The following MYDGF variants were observed in gnomAD, a reference collection of about 807,000 sequenced individuals.
The protein encoded by MYDGF is myeloid-derived growth factor.
MYDGF carries 29 observed loss-of-function variants against 24.2 expected under a neutral mutation model. The observed-to-expected ratio is 1.20, with a 90% confidence interval of 0.89 to 1.63. MYDGF has a LOEUF of 1.63. Among genes scored for constraint, MYDGF ranks in the 40% most tolerant of loss-of-function variants. MYDGF has a pLI of 0.00. For synonymous variants in MYDGF, 105 were observed against 102.5 expected (o/e 1.02, Z -0.15); for missense variants, 245 against 234.8 (o/e 1.04, Z -0.29).
intron 1 of MYDGF, 188 bp from the exon 2 acceptor site, chr19:4,668,833 C>T (rs1173846251): frequency 3.8e-6 from 2 of 520,596 alleles, no homozygotes; most frequent in Non-Finnish European, 6.9e-6. Context: ...AGGTACGCAA[C>T]CACCACACCC....
At chr19:4,660,555 T>C in intron 4 of MYDGF, 114 bp downstream of exon 4, 1 of 995,500 alleles carries the variant, frequency 1.0e-6, no homozygotes, top group Non-Finnish European at 1.5e-6. Context: ...TCTGCAGGAT[T>C]CGCTGTCCCC....
intron 3 of MYDGF, among the ~76,000 whole-genome samples, chr19:4,662,425 C>T (rs1396763977): frequency 6.6e-6 from 1 of 152,228 alleles, no homozygotes; most frequent in East Asian, 1.9e-4. Context: ...ACCCCCTCCC[C>T]ACCGGGGGGC....
At chr19:4,668,692 TTTTG>T in intron 1 of MYDGF, 47 bp from the exon 2 acceptor site, 1 of 1,554,658 alleles carries the variant, frequency 6.4e-7, no homozygotes. Flanking sequence ...GAAATTTTTA[TTTTG>T]TTTAAGAGAC....
intron 3 of MYDGF, among the ~76,000 whole-genome samples, chr19:4,661,987 C>A (rs962380956): frequency 6.6e-6 from 1 of 152,126 alleles, no homozygotes; most frequent in African/African-American, 2.4e-5. Context: ...CGACCGTGGG[C>A]TTCCCCAAGA....
chr19:4,664,874 AC>A lies in MYDGF; in HGVS notation c.287+1del, dbSNP rs1206323222. The A allele has an allele frequency of 1.2e-6, 2 of 1,611,872 alleles. No homozygotes were observed. Among genetic ancestry groups the A allele is most frequent in the Non-Finnish European group, 1.7e-6 (2 of 1,179,290 alleles). The stretch of plus-strand genomic sequence containing the variant: ...AAATGCCATCCCCACCCCGAGTCTC[AC>A]CTCCAGATGGTGCAGGTGAAGTGCT... On this transcript the variant is annotated splice_donor_variant, in intron 3 of 5. Transcript: ENST00000262947. LOFTEE classifies it high-confidence loss of function.
In MYDGF at chr19:4,660,662, TACTC is replaced by T. The variant is rs753976141; in HGVS notation, c.369+3_369+6del. 6.2e-7 allele frequency: 1 copy of T among 1,613,376 alleles called. No individual in the cohort carries two copies. The highest frequency in any genetic ancestry group is 8.5e-7 in the Non-Finnish European group (1 of 1,179,394). On this transcript the variant is annotated splice_donor_5th_base_variant and intron_variant, in intron 4 of 5. Transcript: ENST00000262947. The stretch of plus-strand genomic sequence containing the variant: ...ACCCGGAGCCTGCCCCACTCCAAGA[TACTC>T]ACGTAGGCCATGGCGTACTCAATCT...
chr19:4,661,227 G>C (rs1392969310), intron 3 of MYDGF, among the ~76,000 whole-genome samples: 1 of 152,124 alleles, frequency 6.6e-6, no homozygotes, highest in Non-Finnish European at 1.5e-5. Context: ...CAGCCTCCCA[G>C]AGGGCTGTGA....
In MYDGF at chr19:4,667,800, C is replaced by T. The variant is rs560594307; in HGVS notation, c.225+795G>A. On this transcript the variant is annotated intron_variant, in intron 2 of 5. Coordinates refer to ENST00000262947, the MANE Select transcript of MYDGF (RefSeq NM_019107.4). ...ACAGCCTTGACCTCCTGGGCTCAAG[C>T]GATCCTCCCACCTCAGTCTCCCAAG... Among the ~76,000 whole-genome samples the T allele has an allele frequency of 3.3e-5, 5 of 152,168 alleles. No homozygotes were observed. In the East Asian group the frequency reaches 7.7e-4, roughly 23 times the overall value.
intron 3 of MYDGF, among the ~76,000 whole-genome samples, chr19:4,661,901 G>A (rs994424243): frequency 6.6e-6 from 1 of 152,114 alleles, no homozygotes; most frequent in African/African-American, 2.4e-5. Context: ...CTCCAGACCT[G>A]CACCTGCCCA....
rs778007287 is a variant in MYDGF at position 4,664,857 on chromosome 19, T to A, written c.287+19A>T. On this transcript the variant is annotated intron_variant, in intron 3 of 5. Transcript: ENST00000262947. ...AGGCCAACGGCAGCCGGAAATGCCA[T>A]CCCCACCCCGAGTCTCACCTCCAGA... is the stretch of plus-strand genomic sequence containing the variant. 2.5e-6 allele frequency: 4 copies of A among 1,611,106 alleles called. No homozygotes were observed. Among genetic ancestry groups the A allele is most frequent in the Admixed American group, 3.3e-5 (2 of 59,932 alleles).
Position 4,658,102 on chromosome 19 carries a change from A to G in MYDGF, c.443-18T>C, listed in dbSNP as rs1461606495. 1.2e-6 allele frequency: 2 copies of G among 1,600,540 alleles called. No homozygotes were observed. Among genetic ancestry groups the G allele is most frequent in the East Asian group, 2.2e-5 (1 of 44,666 alleles). On this transcript the variant is annotated intron_variant, in intron 5 of 5. Coordinates refer to ENST00000262947, the MANE Select transcript of MYDGF (RefSeq NM_019107.4). ...GTGAGCCACTGCAAGAAAGAAACAC[A>G]TGGTTGGGCCCTCAACATTGAAAAT...
Position 4,658,048 on chromosome 19 carries a change from G to T in MYDGF, c.479C>A (p.Ser160Tyr). 6.2e-7 allele frequency: 1 copy of T among 1,612,002 alleles called. No homozygotes were observed. The part of the protein sequence containing the change: ...HRPGAFKAEL[S>Y]KLVIVAKASR... ...TGCCTTGGCCACAATCACCAGCTTG[G>T]ACAGCTCAGCTTTGAATGCCCCGGG... The change falls in exon 6 of 6, where the codon TCC (serine) becomes TAC (tyrosine). Residue 160 changes from serine to tyrosine, a missense_variant. Transcript: ENST00000262947.
At chr19:4,658,456 ACCT>A (rs2088441485) in intron 5 of MYDGF, among the ~76,000 whole-genome samples, 1 of 152,006 alleles carries the variant, frequency 6.6e-6, no homozygotes, top group African/African-American at 2.4e-5. Context: ...AGGCTGCAAG[ACCT>A]CCTGCTCAGT....
intron 3 of MYDGF, 136 bp downstream of exon 3, chr19:4,664,740 A>G: frequency 1.1e-6 from 1 of 913,884 alleles, no homozygotes; most frequent in South Asian, 1.7e-5. Context: ...CCCCACCTGC[A>G]CGTGCATGAG....
chr19:4,668,320 A>G (rs1375226091), intron 2 of MYDGF, among the ~76,000 whole-genome samples: 1 of 152,122 alleles, frequency 6.6e-6, no homozygotes, highest in Non-Finnish European at 1.5e-5. Flanking sequence ...CTGCACATAA[A>G]ATACAACATC....
intron 5 of MYDGF, chr19:4,659,714 G>A (rs1023690119): frequency 3.4e-5 from 20 of 593,146 alleles, no homozygotes; most frequent in African/African-American, 3.2e-4. Flanking sequence ...CATACTGTCT[G>A]CAGCAGCTTT....
intron 2 of MYDGF, among the ~76,000 whole-genome samples, chr19:4,666,411 G>T (rs902122974): frequency 6.6e-6 from 1 of 151,980 alleles, no homozygotes; most frequent in African/African-American, 2.4e-5. Context: ...GAGTAGCTGG[G>T]ATTACAGGCG....
intron 5 of MYDGF, among the ~76,000 whole-genome samples, chr19:4,658,551 G>A (rs10426629): frequency 0.24 from 35,802 of 151,940 alleles, 7,534 homozygotes; most frequent in African/African-American, 0.57. Flanking sequence ...CAAGTCTCCC[G>A]GCCCTACCTG....
At position 4,670,249 on chromosome 19, in the gene MYDGF, G is replaced by A. The variant is rs1342839053; in HGVS notation, c.86C>T (p.Ala29Val). 2.2e-5 allele frequency: 35 copies of A among 1,563,728 alleles called. No homozygotes were observed. The East Asian group carries it at 8.6e-4, about 38-fold the overall frequency. ...LLLGAVALRP[A>V]EAVSEPTTVA... is the part of the protein sequence containing the mutation. ...CGTCGTGGGCTCGGACACCGCCTCC[G>A]CCGGCCTCAGCGCCACGGCCCCTAG... Residue 29 changes from alanine to valine, a missense_variant, in exon 1 of 6, where the codon GCG becomes GTG. By Grantham distance (64) the Ala-to-Val change is moderately conservative. Transcript: ENST00000262947.
Sources: allele counts gnomAD v4.1 joint callset (sites outside exome capture counted in the v4.1 genomes callset), GRCh38; gene constraint gnomAD v4.1.1; transcripts MANE v1.5; gene names NCBI Gene and HGNC (gene_info 2026-07-23, HGNC 2026-07-21).